The following CNTNAP2 variants were observed in gnomAD, a reference collection of about 807,000 sequenced individuals.
The protein encoded by CNTNAP2 is contactin-associated protein-like 2.
CNTNAP2 carries 98 observed loss-of-function variants against 155.2 expected under a neutral mutation model. That is an observed-to-expected ratio of 0.63 (90% CI 0.54 to 0.75). The LOEUF (loss-of-function observed/expected upper bound fraction) is 0.75, where lower values mean the gene tolerates loss of function less well. Ranked by LOEUF, CNTNAP2 falls within the 30% of genes least tolerant of loss-of-function variation. The pLI is 0.00. For synonymous variants in CNTNAP2, 651 were observed against 631.2 expected (o/e 1.03, Z -0.47); for missense variants, 1,727 against 1,688.1 (o/e 1.02, Z -0.40).
At chr7:147,395,507 T>C (rs1032356984) in intron 9 of CNTNAP2, 102 bp from the exon 10 acceptor site, 2 of 1,106,416 alleles carry the variant, frequency 1.8e-6, no homozygotes, top group Non-Finnish European at 2.8e-6. Flanking sequence ...AAAGAAACAG[T>C]AGTTGGATGT....
At chr7:146,369,684 T>G (rs1795206437) in intron 1 of CNTNAP2, among the ~76,000 whole-genome samples, 1 of 152,194 alleles carries the variant, frequency 6.6e-6, no homozygotes, top group Non-Finnish European at 1.5e-5. Context: ...GTTTAAAAGC[T>G]ACTTGAGTTT....
chr7:147,673,363 T>A (rs1409655320), intron 13 of CNTNAP2, among the ~76,000 whole-genome samples: 1 of 152,216 alleles, frequency 6.6e-6, no homozygotes, highest in Non-Finnish European at 1.5e-5. Context: ...ACATACATTA[T>A]TTTATTTCAT....
chr7:148,327,111 A>G (rs1797906808), intron 21 of CNTNAP2, among the ~76,000 whole-genome samples: 1 of 152,088 alleles, frequency 6.6e-6, no homozygotes, highest in South Asian at 2.1e-4. Flanking sequence ...AGATTACACG[A>G]AGGAGTGAAA....
intron 1 of CNTNAP2, among the ~76,000 whole-genome samples, chr7:146,149,879 G>GA (rs377385260): frequency 0.093 from 5,535 of 59,600 alleles, 166 homozygotes; most frequent in Non-Finnish European, 0.13. Context: ...TAGCCACAAA[G>GA]AAAAAAAAAA....
chr7:147,877,108 A>G (rs1378399487), intron 13 of CNTNAP2, among the ~76,000 whole-genome samples: 1 of 152,066 alleles, frequency 6.6e-6, no homozygotes, highest in Non-Finnish European at 1.5e-5. Context: ...GTGGCCACAC[A>G]TGGTTTTGGT....
At chr7:146,905,971 C>T (rs1002287452) in intron 3 of CNTNAP2, among the ~76,000 whole-genome samples, 10 of 152,192 alleles carry the variant, frequency 6.6e-5, no homozygotes, top group African/African-American at 1.7e-4. Context: ...CGAAGCAGGG[C>T]GAGGCATTGC....
At chr7:146,682,986 T>C (rs892209420) in intron 1 of CNTNAP2, among the ~76,000 whole-genome samples, 17 of 152,278 alleles carry the variant, frequency 1.1e-4, no homozygotes, top group African/African-American at 4.1e-4. Context: ...CTCACATTAA[T>C]CTCTCTCTAC....
At chr7:147,874,786 G>A (rs961348948) in intron 13 of CNTNAP2, among the ~76,000 whole-genome samples, 4 of 152,040 alleles carry the variant, frequency 2.6e-5, no homozygotes, top group Admixed American at 2.0e-4. Context: ...AAACTTCTAT[G>A]CTCTGCTTCA....
intron 21 of CNTNAP2, among the ~76,000 whole-genome samples, chr7:148,367,285 T>C (rs967645928): frequency 2.0e-5 from 3 of 151,614 alleles, no homozygotes; most frequent in African/African-American, 7.3e-5. Flanking sequence ...GGGGCCAACA[T>C]ATCCATGGGG....
intron 1 of CNTNAP2, among the ~76,000 whole-genome samples, chr7:146,258,071 C>T (rs191608281): frequency 6.6e-6 from 1 of 151,980 alleles, no homozygotes; most frequent in African/African-American, 2.4e-5. Context: ...TTTGTATTTT[C>T]AGTAGAGACA....
chr7:147,287,709 A>G (rs1805212167), intron 8 of CNTNAP2, among the ~76,000 whole-genome samples: 1 of 151,970 alleles, frequency 6.6e-6, no homozygotes, highest in Non-Finnish European at 1.5e-5. Context: ...CTACTTGGTG[A>G]TCTAACAGAT....
chr7:147,567,098 A>C (rs1359192867), intron 12 of CNTNAP2, among the ~76,000 whole-genome samples: 1 of 152,130 alleles, frequency 6.6e-6, no homozygotes, highest in Non-Finnish European at 1.5e-5. Flanking sequence ...AGGAATAATG[A>C]ACCTTCTAAG....
chr7:146,185,071 A>C (rs1798603502), intron 1 of CNTNAP2, among the ~76,000 whole-genome samples: 1 of 152,174 alleles, frequency 6.6e-6, no homozygotes. Context: ...TTGTCCAAAA[A>C]TTAATATTAC....
chr7:147,055,751 C>T (rs996404598), intron 4 of CNTNAP2, among the ~76,000 whole-genome samples: 2 of 151,988 alleles, frequency 1.3e-5, no homozygotes, highest in African/African-American at 2.4e-5. Flanking sequence ...TTGGCTTGTT[C>T]GAATAATTCT....
intron 9 of CNTNAP2, among the ~76,000 whole-genome samples, chr7:147,326,130 T>C (rs62482179): frequency 0.32 from 47,956 of 152,092 alleles, 8,091 homozygotes; most frequent in Non-Finnish European, 0.38. Context: ...TTCACCGTGT[T>C]AGCCAGGATG....
intron 1 of CNTNAP2, among the ~76,000 whole-genome samples, chr7:146,765,036 A>T (rs79945706): frequency 0.013 from 2,018 of 152,204 alleles, 44 homozygotes; most frequent in African/African-American, 0.046. Context: ...ACCAATATTG[A>T]TCATAATAGA....
chr7:147,810,695 G>C (rs958126584), intron 13 of CNTNAP2, among the ~76,000 whole-genome samples: 2 of 152,166 alleles, frequency 1.3e-5, no homozygotes, highest in African/African-American at 4.8e-5. Context: ...AAAATCAAAA[G>C]TTGTTACAAA....
intron 3 of CNTNAP2, among the ~76,000 whole-genome samples, chr7:146,986,375 A>G (rs879571295): frequency 6.6e-6 from 1 of 152,184 alleles, no homozygotes; most frequent in Non-Finnish European, 1.5e-5. Flanking sequence ...ATATATATGT[A>G]CACCGCAGTT....
At chr7:148,249,951 C>G (rs566901642) in intron 20 of CNTNAP2, among the ~76,000 whole-genome samples, 5 of 152,338 alleles carry the variant, frequency 3.3e-5, no homozygotes, top group Admixed American at 6.5e-5. Context: ...ATCACTACCC[C>G]ATCTGTTTAA....
Sources: gnomAD v4.1 joint callset for allele counts (sites outside exome capture counted in the v4.1 genomes callset) on GRCh38, gnomAD v4.1.1 for gene constraint, MANE v1.5 for transcripts, NCBI Gene and HGNC (gene_info 2026-07-23, HGNC 2026-07-21) for gene names.